CRIPT: variants seen among roughly 807,000 people sequenced by gnomAD.
CRIPT encodes the protein cysteine-rich PDZ-binding protein.
In CRIPT, 20 loss-of-function variants were observed where a neutral mutation model predicts 16.6. That is an observed-to-expected ratio of 1.20 (90% CI 0.85 to 1.75). CRIPT has a LOEUF of 1.75. Ranked by LOEUF, CRIPT falls within the 40% of genes most tolerant of loss-of-function variation. The probability of loss-of-function intolerance (pLI) is 0.00; values close to 1 mark genes in which losing one functional copy is unlikely to be tolerated. For missense variants in CRIPT, 133 were observed against 115.3 expected, an observed-to-expected ratio of 1.15 and a Z score of -0.70; for synonymous variants, 42 against 37.0, an observed-to-expected ratio of 1.14 and a Z score of -0.49.
In CRIPT at chr2:46,629,897, T is replaced by G. The variant is rs1671029539; in HGVS notation, c.*5670T>G. On this transcript the variant is annotated 3_prime_UTR_variant, in exon 5 of 5. Transcript: ENST00000238892. ...TTAGCATCCTTTGACGATTCTTGTCTGAATAAATTTTTACTAGGATGTTTC... is the reference window on the plus strand; with the variant it reads ...TTAGCATCCTTTGACGATTCTTGTCGGAATAAATTTTTACTAGGATGTTTC... Among the ~76,000 whole-genome samples the G allele has an allele frequency of 6.6e-6, 1 of 152,236 alleles. No homozygotes were observed. Among genetic ancestry groups the G allele is most frequent in the Admixed American group, 6.5e-5 (1 of 15,290 alleles).
chr2:46,618,074 A>G (rs969288480), intron 1 of CRIPT, among the ~76,000 whole-genome samples: 3 of 150,734 alleles, frequency 2.0e-5, no homozygotes, highest in African/African-American at 7.3e-5. Flanking sequence ...TCCTATTGCC[A>G]CATATCCAAA....
chr2:46,620,277 G>A (rs957785820), intron 3 of CRIPT, among the ~76,000 whole-genome samples: 3 of 152,062 alleles, frequency 2.0e-5, no homozygotes, highest in African/African-American at 7.2e-5. Flanking sequence ...GTGAAACCCT[G>A]TCCTACAAAG....
Position 46,628,030 on chromosome 2 carries a change from C to G in CRIPT, c.*3803C>G, listed in dbSNP as rs1670980835. ...AGCTTCCTTATAGTATAGTTTAACT[C>G]AGGTAATGTGATACCTCAGCTTTGT... On this transcript the variant is annotated 3_prime_UTR_variant, in exon 5 of 5. Transcript: ENST00000238892. Among the ~76,000 whole-genome samples, 3 of 151,674 alleles carry G rather than the reference C, an allele frequency of 2.0e-5. No individual in the cohort carries two copies. The highest frequency in any genetic ancestry group is 2.0e-4 in the Admixed American group (3 of 15,232).
At chr2:46,620,242 A>G (rs1162488092) in intron 3 of CRIPT, among the ~76,000 whole-genome samples, 1 of 152,160 alleles carries the variant, frequency 6.6e-6, no homozygotes, top group Non-Finnish European at 1.5e-5. Context: ...TGAGCCCAGG[A>G]GTTTGAGAGC....
chr2:46,629,696 A>G lies in CRIPT; in HGVS notation c.*5469A>G, dbSNP rs893874403. 5.3e-5 allele frequency among the ~76,000 whole-genome samples: 8 copies of G among 152,336 alleles called. No homozygotes were observed. The highest frequency in any genetic ancestry group is 1.9e-4 in the African/African-American group (8 of 41,580). ...ATTGCAGGTATACATCCAGATGCAC[A>G]GAATGTCCATTTGTCCCTTATTGGT... On this transcript the variant is annotated 3_prime_UTR_variant, in exon 5 of 5. Coordinates refer to ENST00000238892, the MANE Select transcript of CRIPT (RefSeq NM_014171.6).
Position 46,628,322 on chromosome 2 carries a change from G to A in CRIPT, c.*4095G>A, listed in dbSNP as rs147436244. 1.3e-3 allele frequency among the ~76,000 whole-genome samples: 195 copies of A among 152,024 alleles called. No individual in the cohort carries two copies. The highest frequency in any genetic ancestry group is 4.6e-3 in the African/African-American group (189 of 41,454). On this transcript the variant is annotated 3_prime_UTR_variant, in exon 5 of 5. Transcript: ENST00000238892. ...AGATGGGGTTTCATCATCTTAGCCAGGCTGGTCTTGAACTCCTGACGTTGT... is the reference window on the plus strand; with the variant it reads ...AGATGGGGTTTCATCATCTTAGCCAAGCTGGTCTTGAACTCCTGACGTTGT...
intron 1 of CRIPT, 125 bp downstream of exon 1, chr2:46,617,423 T>C (rs1392764600): frequency 2.7e-6 from 3 of 1,109,914 alleles, no homozygotes; most frequent in Non-Finnish European, 2.6e-6. Context: ...CCGCTGTCTT[T>C]CTACCCTACC....
chr2:46,623,160 C>T (rs1179353237), intron 3 of CRIPT, among the ~76,000 whole-genome samples: 12 of 151,972 alleles, frequency 7.9e-5, no homozygotes, highest in East Asian at 3.9e-4. Context: ...TAAATTAAAG[C>T]GCATAACTGT....
At position 46,624,047 on chromosome 2, in the gene CRIPT, T is replaced by TTTTTTTTTC. The variant is rs368904876; in HGVS notation, c.242-112_242-111insTTTTCTTTT. 285 of 472,276 alleles carry TTTTTTTTTC rather than the reference T, an allele frequency of 6.0e-4. 6 individuals are homozygous for TTTTTTTTTC. The South Asian group carries it at 0.023, about 38-fold the overall frequency. The allele number at this position is 472,276 out of a possible 1,614,324, so 29.3% of individuals were successfully genotyped here. A position where few individuals can be genotyped will look rare whatever the true frequency, so the allele number is the denominator to read the frequency against. ...AAATTATATATATATATATATTTTT[T>TTTTTTTTTC]TTTTCTTTTCTTTTCTTTCCTGATG... On this transcript the variant is annotated intron_variant, in intron 4 of 4. Transcript: ENST00000238892.
In CRIPT at chr2:46,627,812, A is replaced by G. The variant is rs748242497; in HGVS notation, c.*3585A>G. ...TATATGGTGAAAGGGGTCCAGTTTG[A>G]GTCTTCTGCATATGGCTAGACAGCT... On this transcript the variant is annotated 3_prime_UTR_variant, in exon 5 of 5. Coordinates refer to ENST00000238892, the MANE Select transcript of CRIPT (RefSeq NM_014171.6). Among the ~76,000 whole-genome samples the G allele has an allele frequency of 7.9e-5, 12 of 152,142 alleles. No homozygotes were observed. Among genetic ancestry groups the G allele is most frequent in the Non-Finnish European group, 1.6e-4 (11 of 68,026 alleles).
chr2:46,618,130 T>C (rs1339496524), intron 1 of CRIPT, among the ~76,000 whole-genome samples: 2 of 151,720 alleles, frequency 1.3e-5, no homozygotes, highest in African/African-American at 2.4e-5. Flanking sequence ...TTGGATTTCC[T>C]TAGCTAGGGT....
intron 1 of CRIPT, among the ~76,000 whole-genome samples, chr2:46,618,072 C>G (rs921673895): frequency 4.0e-5 from 6 of 150,874 alleles, no homozygotes; most frequent in Non-Finnish European, 8.8e-5. Context: ...AGTCCTATTG[C>G]CACATATCCA....
At chr2:46,617,546 G>C (rs949067087) in intron 1 of CRIPT, among the ~76,000 whole-genome samples, 2 of 152,070 alleles carry the variant, frequency 1.3e-5, no homozygotes, top group East Asian at 3.9e-4. Context: ...CCCAGCCCCA[G>C]ATCTCATCAG....
chr2:46,623,763 G>T lies in CRIPT; in HGVS notation c.138-1G>T, dbSNP rs1423080400. On this transcript the variant is annotated splice_acceptor_variant, in intron 3 of 4. Coordinates refer to ENST00000238892, the MANE Select transcript of CRIPT (RefSeq NM_014171.6). LOFTEE classifies it high-confidence loss of function. ...TTTCTCTCTTTAAAAAAAATTTCTAGATTTGATCCATATGGAAAGAATAAG... is the reference window on the plus strand; with the variant it reads ...TTTCTCTCTTTAAAAAAAATTTCTATATTTGATCCATATGGAAAGAATAAG... The T allele has an allele frequency of 1.3e-6, 2 of 1,584,664 alleles. No individual in the cohort carries two copies. Among genetic ancestry groups the T allele is most frequent in the East Asian group, 2.3e-5 (1 of 44,278 alleles).
Position 46,629,862 on chromosome 2 carries a change from C to A in CRIPT, c.*5635C>A, listed in dbSNP as rs924439828. Among the ~76,000 whole-genome samples, 35 of 152,066 alleles carry A rather than the reference C, an allele frequency of 2.3e-4. No homozygotes were observed. Among genetic ancestry groups the A allele is most frequent in the African/African-American group, 8.0e-4 (33 of 41,386 alleles). ...AATTCTGTTCCTCATCAAATCTACC[C>A]CTCCTAGGTTTAGCATCCTTTGACG... On this transcript the variant is annotated 3_prime_UTR_variant, in exon 5 of 5. Transcript: ENST00000238892.
intron 3 of CRIPT, among the ~76,000 whole-genome samples, chr2:46,622,017 G>T (rs1166833467): frequency 6.6e-6 from 1 of 152,142 alleles, no homozygotes; most frequent in African/African-American, 2.4e-5. Context: ...TGGAATCTAT[G>T]GTACTGTTAT....
At chr2:46,620,335 T>G (rs1670769489) in intron 3 of CRIPT, among the ~76,000 whole-genome samples, 2 of 152,048 alleles carry the variant, frequency 1.3e-5, no homozygotes, top group African/African-American at 4.8e-5. Flanking sequence ...TAGTCCCAGC[T>G]ACTCAGGAGG....
In CRIPT at chr2:46,623,816, T is replaced by TC; in HGVS notation, c.191dup (p.Val65CysfsTer48). ...CTCCACTTGTAGAATTTGTAAAAGT[T>TC]CTGTGCACCAACCAGGTTCTCATTA... On this transcript the variant is annotated frameshift_variant, in exon 4 of 5. Transcript: ENST00000238892. LOFTEE classifies it high-confidence loss of function. The TC allele has an allele frequency of 6.2e-7, 1 of 1,611,380 alleles. No individual in the cohort carries two copies. The highest frequency in any genetic ancestry group is 1.1e-5 in the South Asian group (1 of 90,740).
Position 46,625,464 on chromosome 2 carries a change from G to A in CRIPT, c.*1237G>A, listed in dbSNP as rs575427973. 2.3e-5 allele frequency: 3 copies of A among 130,796 alleles called. No homozygotes were observed. Among genetic ancestry groups the A allele is most frequent in the Non-Finnish European group, 4.7e-5 (3 of 64,360 alleles). 8.1% of individuals were successfully genotyped at this position (130,796 alleles called of 1,614,324 possible). On this transcript the variant is annotated 3_prime_UTR_variant, in exon 5 of 5. Transcript: ENST00000238892. Reference sequence around the variant, plus strand: ...TTGCCTTCAGAGGTTCAGGACTTCTGCTTTTAAAACCTGCAGCCTACCGTG... The same window carrying A: ...TTGCCTTCAGAGGTTCAGGACTTCTACTTTTAAAACCTGCAGCCTACCGTG...
Sources: gnomAD v4.1 joint callset for allele counts (sites outside exome capture counted in the v4.1 genomes callset) on GRCh38, gnomAD v4.1.1 for gene constraint, MANE v1.5 for transcripts, NCBI Gene and HGNC (gene_info 2026-07-23, HGNC 2026-07-21) for gene names.